Variants in UBQLN4 observed in about 807,000 individuals in gnomAD.
UBQLN4 encodes the protein ubiquilin-4.
Under a neutral mutation model 60.4 loss-of-function variants are expected in UBQLN4, and 11 were observed. The ratio of observed to expected loss-of-function variants is 0.18; its 90% CI spans 0.11 to 0.30. The LOEUF is 0.30. Ranked by LOEUF, UBQLN4 falls within the 10% of genes least tolerant of loss-of-function variation. The pLI is 1.00. For synonymous variants in UBQLN4, 258 were observed against 313.1 expected (o/e 0.82, Z 1.86); for missense variants, 417 against 795.5 (o/e 0.52, Z 5.72).
downstream of UBQLN4, among the ~76,000 whole-genome samples, chr1:156,031,952 A>G (rs1281046215): frequency 3.9e-5 from 4 of 103,084 alleles, no homozygotes; most frequent in East Asian, 6.9e-4. Flanking sequence ...TCATCACCAC[A>G]ATGAAGATAA....
In UBQLN4 at chr1:156,035,465, C is replaced by T. The variant is rs1460258655; in HGVS notation, c.*1513G>A. 5.1e-6 allele frequency: 5 copies of T among 984,924 alleles called. No homozygotes were observed. Among genetic ancestry groups the T allele is most frequent in the Admixed American group, 6.2e-5 (1 of 16,200 alleles). 61.0% of individuals were successfully genotyped at this position (984,924 alleles called of 1,614,324 possible). ...TCATATTCTCAGCCATGGGGTCGGT[C>T]CTCCAAGCAGCTGGGCCAAGTAGGA... On this transcript the variant is annotated 3_prime_UTR_variant, in exon 11 of 11. Transcript: ENST00000368309.
intron 10 of UBQLN4, 28 bp from the exon 11 acceptor site, chr1:156,037,158 G>A: frequency 6.2e-7 from 1 of 1,606,614 alleles, no homozygotes; most frequent in Non-Finnish European, 8.5e-7. Context: ...TGTGAAGTGG[G>A]CACAGGACCA....
At chr1:156,046,134 C>T (rs534191878) in intron 5 of UBQLN4, among the ~76,000 whole-genome samples, 1 of 152,110 alleles carries the variant, frequency 6.6e-6, no homozygotes, top group East Asian at 1.9e-4. Flanking sequence ...GCATGCGCCA[C>T]TACGCTCCAC....
intron 10 of UBQLN4, 93 bp from the exon 11 acceptor site, chr1:156,037,223 A>G: frequency 6.8e-7 from 1 of 1,476,656 alleles, no homozygotes; most frequent in Admixed American, 2.1e-5. Flanking sequence ...GTCTTCTCTA[A>G]TATCCTCAGA....
intron 5 of UBQLN4, among the ~76,000 whole-genome samples, chr1:156,045,772 T>A (rs1340643851): frequency 6.6e-6 from 1 of 152,230 alleles, no homozygotes. Flanking sequence ...AACAAGTCCA[T>A]ACTTTCCTCT....
At chr1:156,041,281 G>T (rs965111456) in intron 10 of UBQLN4, among the ~76,000 whole-genome samples, 7 of 152,208 alleles carry the variant, frequency 4.6e-5, no homozygotes, top group Admixed American at 2.6e-4. Context: ...TAGTGCACGG[G>T]TAAGTACCAT....
At chr1:156,032,639 G>A (rs970886698), downstream of UBQLN4, among the ~76,000 whole-genome samples, 3 of 152,152 alleles carry the variant, frequency 2.0e-5, no homozygotes, top group African/African-American at 7.2e-5. Flanking sequence ...CCAGGACAGT[G>A]TTTTTTAACC....
chr1:156,047,768 A>G (rs935529283), intron 5 of UBQLN4, among the ~76,000 whole-genome samples: 5 of 150,718 alleles, frequency 3.3e-5, no homozygotes, highest in African/African-American at 9.7e-5. Flanking sequence ...GGTGGCATGT[A>G]CCTGTAGTCT....
downstream of UBQLN4, among the ~76,000 whole-genome samples, chr1:156,031,542 T>C (rs990176626): frequency 6.6e-6 from 1 of 151,874 alleles, no homozygotes; most frequent in Admixed American, 6.6e-5. Context: ...TCAATACTCA[T>C]ATGCTCTTAA....
downstream of UBQLN4, among the ~76,000 whole-genome samples, chr1:156,033,858 A>AAAAAAAAAACC (rs1477384923): frequency 2.1e-5 from 3 of 142,936 alleles, no homozygotes; most frequent in East Asian, 6.3e-4. Context: ...AAAAAAAACC[A>AAAAAAAAAACC]AAAAAAAAAA....
intron 10 of UBQLN4, among the ~76,000 whole-genome samples, chr1:156,039,542 C>T (rs1683492916): frequency 1.3e-5 from 2 of 152,020 alleles, no homozygotes; most frequent in African/African-American, 4.8e-5. Flanking sequence ...GAGCCACCGC[C>T]TGGCTAGCTT....
At chr1:156,053,544 T>G (rs1683943319) in intron 1 of UBQLN4, 50 bp downstream of exon 1, 127 of 999,086 alleles carry the variant, frequency 1.3e-4, no homozygotes, top group East Asian at 5.1e-4. Flanking sequence ...CCCCCATCTC[T>G]TCGCAGACCC....
chr1:156,032,790 G>A (rs1683318029), downstream of UBQLN4, among the ~76,000 whole-genome samples: 1 of 152,160 alleles, frequency 6.6e-6, no homozygotes, highest in Non-Finnish European at 1.5e-5. Flanking sequence ...GGTCGGTGGA[G>A]AGCATGCTTC....
chr1:156,051,923 C>G lies in UBQLN4; in HGVS notation c.109-66G>C, dbSNP rs1197514571. On this transcript the variant is annotated intron_variant, in intron 1 of 10. Coordinates refer to ENST00000368309, the MANE Select transcript of UBQLN4 (RefSeq NM_020131.5). The stretch of plus-strand genomic sequence containing the variant: ...ACTCCCCCTACCAGGGACCCTGACT[C>G]TTTTTCAACACCTTCTGCACTCTCT... 9 of 1,594,930 alleles carry G rather than the reference C, an allele frequency of 5.6e-6. No individual in the cohort carries two copies. The African/African-American group carries it at 1.1e-4, about 19-fold the overall frequency.
downstream of UBQLN4, among the ~76,000 whole-genome samples, chr1:156,034,251 C>A (rs1683343509): frequency 6.6e-6 from 1 of 150,850 alleles, no homozygotes; most frequent in Non-Finnish European, 1.5e-5. Context: ...TAATAACTAC[C>A]AAACTTCACT....
chr1:156,050,676 T>C lies in UBQLN4; in HGVS notation c.479-123A>G. On this transcript the variant is annotated intron_variant, in intron 3 of 10. Coordinates refer to ENST00000368309, the MANE Select transcript of UBQLN4 (RefSeq NM_020131.5). This position sits in a 1 kb window ranked among gnomAD's most constrained non-coding sequence, Gnocchi z 4.6. ...TTCTCACATGTCCCTCTTCCTGTCATTCCCACAGCCCGGCCCTGATCCACT... is the reference window on the plus strand; with the variant it reads ...TTCTCACATGTCCCTCTTCCTGTCACTCCCACAGCCCGGCCCTGATCCACT... 2 of 1,387,564 alleles carry C rather than the reference T, an allele frequency of 1.4e-6. No individual in the cohort carries two copies. Among genetic ancestry groups the C allele is most frequent in the Non-Finnish European group, 1.9e-6 (2 of 1,046,514 alleles). 86.0% of individuals were successfully genotyped at this position (1,387,564 alleles called of 1,614,324 possible).
intron 2 of UBQLN4, 61 bp downstream of exon 2, chr1:156,051,645 G>A: frequency 1.2e-6 from 2 of 1,606,438 alleles, no homozygotes; most frequent in East Asian, 2.2e-5. Flanking sequence ...AGCAATGAGT[G>A]AGAAAGTATC....
At chr1:156,042,519 T>C (rs1558086911) in intron 7 of UBQLN4, 1 of 1,182,822 alleles carries the variant, frequency 8.5e-7, no homozygotes, top group Non-Finnish European at 1.1e-6. Context: ...TCACACGCCA[T>C]GTTCTAAGCA....
chr1:156,042,440 G>A, intron 7 of UBQLN4: 1 of 1,406,702 alleles, frequency 7.1e-7, no homozygotes, highest in East Asian at 2.6e-5. Flanking sequence ...TGAGGAGTCA[G>A]CCTGCTCAGC....
Sources: allele counts gnomAD v4.1 joint callset (sites outside exome capture counted in the v4.1 genomes callset), GRCh38; gene constraint gnomAD v4.1.1; non-coding constraint Gnocchi (gnomAD v3.1); transcripts MANE v1.5; gene names NCBI Gene and HGNC (gene_info 2026-07-23, HGNC 2026-07-21).